Variants in TRRAP observed in about 807,000 individuals in gnomAD.
TRRAP encodes the protein transformation/transcription domain-associated protein.
A neutral mutation model predicts 438.8 loss-of-function variants in TRRAP; 41 were observed. The ratio of observed to expected loss-of-function variants is 0.09; its 90% CI spans 0.07 to 0.12. The LOEUF (loss-of-function observed/expected upper bound fraction) is 0.12. TRRAP is among the 10% of genes least tolerant of loss of function. The pLI, the probability that TRRAP is intolerant of heterozygous loss-of-function variation, is 1.00. For synonymous variants in TRRAP, 1,994 were observed against 1,962.9 expected (o/e 1.02, Z -0.42); for missense variants, 3,122 against 5,055.1 (o/e 0.62, Z 11.60).
chr7:98,979,455 C>G (rs1195295935), intron 58 of TRRAP, among the ~76,000 whole-genome samples: 2 of 152,166 alleles, frequency 1.3e-5, no homozygotes, highest in Non-Finnish European at 2.9e-5. Context: ...TAGGGAATGA[C>G]AAGAAAAAGC....
chr7:98,975,304 A>G (rs1015577939), intron 53 of TRRAP, among the ~76,000 whole-genome samples: 1 of 152,202 alleles, frequency 6.6e-6, no homozygotes, highest in African/African-American at 2.4e-5. Flanking sequence ...GACAAATGAA[A>G]GCATAATCAT....
At chr7:98,927,501 ATTTTCCAT>A (rs1306540736) in intron 23 of TRRAP, 135 bp downstream of exon 23, 1 of 1,189,998 alleles carries the variant, frequency 8.4e-7, no homozygotes, top group East Asian at 2.6e-5. Context: ...TTATTTTCCA[ATTTTCCAT>A]TTACGACATT....
Position 98,908,045 on chromosome 7 carries a change from G to T in TRRAP, c.1116-683G>T, listed in dbSNP as rs1272188137. 6.6e-6 allele frequency among the ~76,000 whole-genome samples: 1 copy of T among 152,094 alleles called. No homozygotes were observed. Among genetic ancestry groups the T allele is most frequent in the South Asian group, 2.1e-4 (1 of 4,826 alleles). On this transcript the variant is annotated intron_variant, in intron 13 of 72. Transcript: ENST00000456197. The surrounding 1 kb of genome is among the most constrained non-coding windows in gnomAD (Gnocchi z 4.1). ...AATTTCCCTGGATTTTTGCCTTATG[G>T]CCCCTTTTTGTCCTTAAGATCTCAA... is the stretch of plus-strand genomic sequence containing the variant.
intron 3 of TRRAP, among the ~76,000 whole-genome samples, chr7:98,884,968 C>T (rs782647567): frequency 6.6e-6 from 1 of 152,060 alleles, no homozygotes; most frequent in Non-Finnish European, 1.5e-5. Flanking sequence ...GAGAAAGTCA[C>T]ATTTGTTACT....
At chr7:98,955,677 A>G (rs782425388) in intron 41 of TRRAP, among the ~76,000 whole-genome samples, 1 of 152,160 alleles carries the variant, frequency 6.6e-6, no homozygotes, top group Non-Finnish European at 1.5e-5. Flanking sequence ...CTCTGGCCAA[A>G]TTACCCTTTT....
chr7:98,912,516 A>G (rs1186994010), intron 18 of TRRAP, among the ~76,000 whole-genome samples: 2 of 152,100 alleles, frequency 1.3e-5, no homozygotes, highest in Non-Finnish European at 2.9e-5. Flanking sequence ...CATTCCGTGT[A>G]TGTCTAAGCA....
Position 98,981,804 on chromosome 7 carries a change from G to A in TRRAP, c.8670G>A (p.Lys2890=). 6.2e-7 allele frequency: 1 copy of A among 1,606,706 alleles called. No individual in the cohort carries two copies. Among genetic ancestry groups the A allele is most frequent in the Non-Finnish European group, 8.5e-7 (1 of 1,177,010 alleles). Residue 2890 remains lysine (K), a synonymous_variant, in exon 59 of 73, where the codon AAG becomes AAA. Transcript: ENST00000456197. The stretch of plus-strand genomic sequence containing the variant: ...GCTGTCCGAAGGAGATGGCCTGGAA[G>A]GTGAACATGTACCGCGGATACCTGG... ...EVSCPKEMAW[K]VNMYRGYLAI...
intron 21 of TRRAP, among the ~76,000 whole-genome samples, chr7:98,922,297 C>T (rs532192871): frequency 2.0e-5 from 3 of 152,344 alleles, no homozygotes; most frequent in South Asian, 2.1e-4. Context: ...CGCAGTGCCT[C>T]GCTTTCTCCC....
chr7:98,901,044 A>C (rs1290871318), intron 11 of TRRAP, among the ~76,000 whole-genome samples: 1 of 152,208 alleles, frequency 6.6e-6, no homozygotes, highest in East Asian at 1.9e-4. Context: ...ACTTAGCAGT[A>C]ATGTGGAGAT....
At chr7:98,973,495 T>C (rs1792510079) in intron 53 of TRRAP, among the ~76,000 whole-genome samples, 1 of 152,190 alleles carries the variant, frequency 6.6e-6, no homozygotes, top group Non-Finnish European at 1.5e-5. Context: ...AACAATATTT[T>C]TGTCTTGGCT....
At chr7:98,999,125 A>C in intron 67 of TRRAP, 3 of 1,542,330 alleles carry the variant, frequency 1.9e-6, no homozygotes, top group Non-Finnish European at 2.6e-6. Context: ...ACCGAAGGGC[A>C]CTTTGGTTCT....
Position 98,893,814 on chromosome 7 carries a change from A to T in TRRAP, c.383A>T (p.Asn128Ile), listed in dbSNP as rs782705880. The T allele has an allele frequency of 6.8e-6, 11 of 1,613,406 alleles. No homozygotes were observed. The highest frequency in any genetic ancestry group is 8.5e-6 in the Non-Finnish European group (10 of 1,179,700). The change falls in exon 6 of 73, where the codon AAT (asparagine) becomes ATT (isoleucine). Residue 128 changes from asparagine to isoleucine, a missense_variant. Around this residue, in one of 24 missense-constraint regions of TRRAP, gnomAD observed 343 missense variants for 564.0 expected, o/e 0.61. Coordinates refer to ENST00000456197, the MANE Select transcript of TRRAP (RefSeq NM_001375524.1). Reference protein sequence around the residue: ...FRFLETENEENVLICLRIIIE... With the variant: ...FRFLETENEEIVLICLRIIIE... The stretch of plus-strand genomic sequence containing the variant: ...TTTTTTTAGACGGAAAATGAAGAAA[A>T]TGTTCTTATTTGTCTAAGAATAATT...
In TRRAP at chr7:98,948,614, C is replaced by T. The variant is rs376690567; in HGVS notation, c.4717C>T (p.Pro1573Ser). 5 of 1,614,078 alleles carry T rather than the reference C, an allele frequency of 3.1e-6. No individual in the cohort carries two copies. The African/African-American group carries it at 6.7e-5, about 22-fold the overall frequency. ...CCTGATCAAGTTCCTGACTCGACAT[C>T]CCTCGCAGACAGTGGAGCTGTTCAT... ...EPLIKFLTRH[P>S]SQTVELFMME... Residue 1573 changes from proline to serine, a missense_variant, in exon 35 of 73, where the codon CCC (proline) becomes TCC (serine). Pro to Ser is a moderately conservative substitution (Grantham distance 74). Coordinates refer to ENST00000456197, the MANE Select transcript of TRRAP (RefSeq NM_001375524.1). The surrounding 1 kb of genome is among the most constrained non-coding windows in gnomAD (Gnocchi z 4.9).
chr7:98,964,075 G>A (rs1297104293), intron 47 of TRRAP, among the ~76,000 whole-genome samples: 3 of 134,484 alleles, frequency 2.2e-5, no homozygotes, highest in East Asian at 2.1e-4. Context: ...AGCAAGACTC[G>A]ACATTAAAAA....
At chr7:98,969,219 T>C (rs1331193979) in intron 51 of TRRAP, among the ~76,000 whole-genome samples, 2 of 152,220 alleles carry the variant, frequency 1.3e-5, no homozygotes, top group African/African-American at 4.8e-5. Flanking sequence ...TGGCATAAAA[T>C]CCAGCCTCCA....
chr7:98,994,261 G>A lies in TRRAP; in HGVS notation c.10048-326G>A, dbSNP rs952981932. ...GCACAGTGCACGCAGACACGCGGTGGGAACAGTACAGCTGCCTGAAAATGC... is the reference window on the plus strand; with the variant it reads ...GCACAGTGCACGCAGACACGCGGTGAGAACAGTACAGCTGCCTGAAAATGC... On this transcript the variant is annotated intron_variant, in intron 66 of 72. Transcript: ENST00000456197. The surrounding 1 kb of genome is among the most constrained non-coding windows in gnomAD (Gnocchi z 4.8). 6.6e-6 allele frequency among the ~76,000 whole-genome samples: 1 copy of A among 152,226 alleles called. No homozygotes were observed. The highest frequency in any genetic ancestry group is 2.4e-5 in the African/African-American group (1 of 41,454).
In TRRAP at chr7:98,953,276, A is replaced by G. The variant is rs1554418694; in HGVS notation, c.5573A>G (p.Asn1858Ser). ...GCCCCCCACCACATCCATGACAACA[A>G]CAAGAACCGCAACAGCAAGCTGCGC... ...EHAPHHIHDN[N>S]KNRNSKLRRL... Residue 1858 changes from asparagine to serine, a missense_variant, in exon 40 of 73, where the codon AAC becomes AGC. Transcript: ENST00000456197. The G allele has an allele frequency of 1.2e-6, 2 of 1,613,644 alleles. No individual in the cohort carries two copies. The highest frequency in any genetic ancestry group is 1.7e-6 in the Non-Finnish European group (2 of 1,179,994).
chr7:98,902,751 T>C (rs1217741839), intron 11 of TRRAP, among the ~76,000 whole-genome samples: 1 of 151,992 alleles, frequency 6.6e-6, no homozygotes, highest in Non-Finnish European at 1.5e-5. Context: ...GTTCACAACT[T>C]ACATTAATGG....
intron 25 of TRRAP, 23 bp downstream of exon 25, chr7:98,930,853 C>A: frequency 1.2e-6 from 2 of 1,613,488 alleles, no homozygotes; most frequent in East Asian, 2.2e-5. Context: ...TGGCCCCAAA[C>A]CTAACCATGC....
Sources: allele counts gnomAD v4.1 joint callset (sites outside exome capture counted in the v4.1 genomes callset), GRCh38; gene constraint gnomAD v4.1.1; regional missense constraint gnomAD v4.1.1; non-coding constraint Gnocchi (gnomAD v3.1); transcripts MANE v1.5; gene names NCBI Gene and HGNC (gene_info 2026-07-23, HGNC 2026-07-21).